Variants in CADM2 observed in about 807,000 individuals in gnomAD.
The protein encoded by CADM2 is cell adhesion molecule 2.
CADM2 carries 12 observed loss-of-function variants against 49.8 expected under a neutral mutation model. The observed-to-expected ratio is 0.24, with a 90% CI of 0.15 to 0.39. CADM2 has a LOEUF of 0.39. Ranked by LOEUF, CADM2 falls within the 10% of genes least tolerant of loss-of-function variation. CADM2 has a pLI of 1.00. For missense variants in CADM2, 378 were observed against 492.3 expected, an observed-to-expected ratio of 0.77 and a Z score of 2.20; for synonymous variants, 214 against 175.4, an observed-to-expected ratio of 1.22 and a Z score of -1.74.
intron 3 of CADM2, among the ~76,000 whole-genome samples, chr3:85,854,530 C>A (rs191613377): frequency 6.6e-5 from 10 of 152,188 alleles, no homozygotes; most frequent in African/African-American, 2.2e-4. Context: ...AACAGAGGAG[C>A]AGAAAACCAA....
At chr3:85,936,547 T>C (rs1359299036) in intron 7 of CADM2, among the ~76,000 whole-genome samples, 1 of 151,792 alleles carries the variant, frequency 6.6e-6, no homozygotes, top group Admixed American at 6.6e-5. Flanking sequence ...ACAGGAACAC[T>C]CTAGGCCTAG....
chr3:85,856,329 GT>G (rs1469054182), intron 3 of CADM2, among the ~76,000 whole-genome samples: 2 of 152,042 alleles, frequency 1.3e-5, no homozygotes, highest in Non-Finnish European at 2.9e-5. Flanking sequence ...TTCAATAATT[GT>G]TTTAAAGGAA....
chr3:86,024,347 CACTT>C (rs879384482), intron 8 of CADM2, among the ~76,000 whole-genome samples: 18 of 152,138 alleles, frequency 1.2e-4, no homozygotes, highest in Admixed American at 6.5e-5. Context: ...TACTTGTTCT[CACTT>C]AGAGCACAAG....
chr3:86,031,007 G>A (rs148522723), intron 8 of CADM2, among the ~76,000 whole-genome samples: 4 of 151,740 alleles, frequency 2.6e-5, no homozygotes, highest in East Asian at 1.9e-4. Context: ...AGATTTGGAC[G>A]TTCTTTGACT....
intron 1 of CADM2, among the ~76,000 whole-genome samples, chr3:85,132,700 C>G (rs2039273619): frequency 6.6e-6 from 1 of 152,004 alleles, no homozygotes; most frequent in Non-Finnish European, 1.5e-5. Context: ...TATGCCTTCA[C>G]TAAGGAGGTA....
chr3:85,899,294 A>G (rs2108444739), intron 5 of CADM2, among the ~76,000 whole-genome samples: 1 of 152,188 alleles, frequency 6.6e-6, no homozygotes, highest in South Asian at 2.1e-4. Flanking sequence ...AGTTTTATGA[A>G]TCATGCTTTA....
chr3:85,612,755 T>C (rs2063711151), intron 1 of CADM2, among the ~76,000 whole-genome samples: 2 of 151,794 alleles, frequency 1.3e-5, no homozygotes, highest in Non-Finnish European at 3.0e-5. Flanking sequence ...TATTATAGCA[T>C]AATAGATACA....
intron 1 of CADM2, among the ~76,000 whole-genome samples, chr3:85,065,253 A>G: frequency 6.6e-6 from 1 of 152,230 alleles, no homozygotes; most frequent in East Asian, 1.9e-4. Flanking sequence ...TCTACTAAAT[A>G]GAATCAATTT....
At chr3:85,516,777 T>C (rs2060913354) in intron 1 of CADM2, among the ~76,000 whole-genome samples, 1 of 152,098 alleles carries the variant, frequency 6.6e-6, no homozygotes, top group Non-Finnish European at 1.5e-5. Context: ...AAATAATTTA[T>C]TTTTAAAATC....
intron 1 of CADM2, among the ~76,000 whole-genome samples, chr3:85,515,308 G>A (rs562708236): frequency 7.2e-5 from 11 of 151,896 alleles, no homozygotes; most frequent in Admixed American, 1.3e-4. Flanking sequence ...AGATAACATC[G>A]CCATTAGATT....
At chr3:85,491,417 T>C (rs73126354) in intron 1 of CADM2, among the ~76,000 whole-genome samples, 30,201 of 152,136 alleles carry the variant, frequency 0.2, 3,794 homozygotes, top group East Asian at 0.3. Flanking sequence ...TTCTCTTTAA[T>C]GGAAAATTAA....
rs1363217161 is a variant in CADM2, at chr3:85,436,546, G to C, written c.62-289976G>C. On this transcript the variant is annotated intron_variant, in intron 1 of 9. Coordinates refer to ENST00000383699, the MANE Select transcript of CADM2 (RefSeq NM_001167675.2). ...CCATTCAGCATGATATTGACTGTGG[G>C]TTTGTTATAAATAGCTCTTATTATT... Among the ~76,000 whole-genome samples, 5 of 152,060 alleles carry C rather than the reference G, an allele frequency of 3.3e-5. No individual in the cohort carries two copies. The East Asian group carries it at 9.6e-4, about 29-fold the overall frequency.
intron 5 of CADM2, among the ~76,000 whole-genome samples, chr3:85,887,911 G>T (rs1482904327): frequency 2.0e-5 from 3 of 152,130 alleles, no homozygotes; most frequent in African/African-American, 7.2e-5. Flanking sequence ...CTAATGGAAA[G>T]CCCTAAACTT....
At chr3:85,845,172 A>G (rs1453850027) in intron 3 of CADM2, among the ~76,000 whole-genome samples, 3 of 151,454 alleles carry the variant, frequency 2.0e-5, no homozygotes, top group Non-Finnish European at 2.9e-5. Flanking sequence ...AAAAAAAAAA[A>G]AAGAAGAGCA....
chr3:86,058,258 C>T (rs1356075021), intron 8 of CADM2, among the ~76,000 whole-genome samples: 1 of 152,092 alleles, frequency 6.6e-6, no homozygotes, highest in Non-Finnish European at 1.5e-5. Context: ...ATTAAAAGTC[C>T]TGAATGAGTC....
intron 8 of CADM2, among the ~76,000 whole-genome samples, chr3:85,989,516 C>A (rs1728503644): frequency 6.6e-6 from 1 of 152,058 alleles, no homozygotes; most frequent in South Asian, 2.1e-4. Context: ...AAATCAAGGT[C>A]ATTGCAGAGA....
chr3:86,008,033 T>A (rs771050041), intron 8 of CADM2, among the ~76,000 whole-genome samples: 15 of 152,190 alleles, frequency 9.9e-5, no homozygotes, highest in Middle Eastern at 3.2e-3. Context: ...AGTTCATAAT[T>A]TGGGAGTTCT....
At chr3:84,982,980 C>T (rs770362136) in intron 1 of CADM2, among the ~76,000 whole-genome samples, 4 of 148,714 alleles carry the variant, frequency 2.7e-5, no homozygotes, top group Non-Finnish European at 5.9e-5. Flanking sequence ...ATCTCCTGAC[C>T]ACGTGATCTG....
intron 1 of CADM2, among the ~76,000 whole-genome samples, chr3:85,026,746 C>T (rs1301978297): frequency 6.6e-6 from 1 of 152,118 alleles, no homozygotes; most frequent in Non-Finnish European, 1.5e-5. Context: ...ATAAGTTTCT[C>T]ATTGTCAGAA....
Sources: gnomAD v4.1 joint callset for allele counts (sites outside exome capture counted in the v4.1 genomes callset) on GRCh38, gnomAD v4.1.1 for gene constraint, MANE v1.5 for transcripts, NCBI Gene and HGNC (gene_info 2026-07-23, HGNC 2026-07-21) for gene names.